The following MACROD1 variants were observed in gnomAD, a reference collection of about 807,000 sequenced individuals.
The protein encoded by MACROD1 is ADP-ribose glycohydrolase MACROD1.
MACROD1 carries 31 observed loss-of-function variants against 41.4 expected under a neutral mutation model. The ratio of observed to expected loss-of-function variants is 0.75; its 90% confidence interval spans 0.56 to 1.01. The LOEUF (loss-of-function observed/expected upper bound fraction) is 1.01, where lower values mean the gene tolerates loss of function less well. Among genes scored for constraint, MACROD1 ranks in the 50% least tolerant of loss-of-function variants. MACROD1 has a pLI of 0.00. For synonymous variants in MACROD1, 252 were observed against 203.4 expected (o/e 1.24, Z -2.03); for missense variants, 473 against 460.0 (o/e 1.03, Z -0.26).
chr11:64,100,486 G>A (rs1296122039), intron 3 of MACROD1, among the ~76,000 whole-genome samples: 1 of 152,206 alleles, frequency 6.6e-6, no homozygotes, highest in Non-Finnish European at 1.5e-5. Flanking sequence ...AGGCCAAGGC[G>A]AGGAGTGTAA....
chr11:64,027,636 A>G (rs547377431), intron 3 of MACROD1, among the ~76,000 whole-genome samples: 1 of 152,224 alleles, frequency 6.6e-6, no homozygotes, highest in East Asian at 1.9e-4. Flanking sequence ...ATTCATGTCT[A>G]GCCCACCCAG....
At chr11:64,057,090 A>G (rs1943799727) in intron 3 of MACROD1, among the ~76,000 whole-genome samples, 1 of 152,112 alleles carries the variant, frequency 6.6e-6, no homozygotes, top group Admixed American at 6.5e-5. Flanking sequence ...ACCAGCTCTC[A>G]CGAAACAGGG....
intron 3 of MACROD1, among the ~76,000 whole-genome samples, chr11:64,137,883 G>T (rs990167415): frequency 2.6e-5 from 4 of 152,176 alleles, no homozygotes; most frequent in African/African-American, 9.7e-5. Context: ...GGTTCTTTTT[G>T]TTCCTGTTTT....
At chr11:64,100,651 A>G (rs1026503808) in intron 3 of MACROD1, among the ~76,000 whole-genome samples, 1 of 152,154 alleles carries the variant, frequency 6.6e-6, no homozygotes, top group African/African-American at 2.4e-5. Flanking sequence ...GTGGCTACTA[A>G]TGATCATCAT....
Position 64,000,262 on chromosome 11 carries a change from G to A in MACROD1, c.629C>T (p.Ala210Val). 1 of 1,606,722 alleles carries A rather than the reference G, an allele frequency of 6.2e-7. No individual in the cohort carries two copies. The highest frequency in any genetic ancestry group is 8.5e-7 in the Non-Finnish European group (1 of 1,177,310). ...RTLQSCKTGK[A>V]KITGGYRLPA... is the part of the protein sequence containing the mutation. ...GAGCCGATAGCCGCCGGTGATCTTG[G>A]CCTTGCCAGTCTTACAGCTCTGCAG... Residue 210 changes from alanine (A) to valine (V), a missense_variant, in exon 5 of 11, where the codon GCC becomes GTC. Transcript: ENST00000255681.
chr11:64,091,672 G>T (rs896563626), intron 3 of MACROD1, among the ~76,000 whole-genome samples: 2 of 152,172 alleles, frequency 1.3e-5, no homozygotes, highest in African/African-American at 4.8e-5. Flanking sequence ...AAGACACTCG[G>T]CCCAAGGGGC....
At chr11:64,129,947 G>A (rs1027683087) in intron 3 of MACROD1, among the ~76,000 whole-genome samples, 5 of 152,196 alleles carry the variant, frequency 3.3e-5, no homozygotes, top group Admixed American at 6.5e-5. Context: ...TTGGGGGGCC[G>A]TGAGCCTCCC....
At chr11:64,022,984 C>T (rs887191869) in intron 3 of MACROD1, among the ~76,000 whole-genome samples, 1 of 151,582 alleles carries the variant, frequency 6.6e-6, no homozygotes, top group African/African-American at 2.4e-5. Context: ...GCCTCAGCCT[C>T]CCGAGTAGCT....
chr11:64,017,517 G>A (rs539511517), intron 3 of MACROD1, among the ~76,000 whole-genome samples: 6 of 152,180 alleles, frequency 3.9e-5, no homozygotes, highest in African/African-American at 1.2e-4. Flanking sequence ...TCTGAGGGTC[G>A]GTCAGAGGGA....
intron 3 of MACROD1, among the ~76,000 whole-genome samples, chr11:64,040,554 G>A (rs1943464781): frequency 1.3e-5 from 2 of 152,228 alleles, no homozygotes; most frequent in Admixed American, 1.3e-4. Context: ...CTGGAAGAGT[G>A]GGCTTCCTAG....
intron 3 of MACROD1, among the ~76,000 whole-genome samples, chr11:64,015,919 C>T (rs528130353): frequency 5.9e-5 from 9 of 152,308 alleles, no homozygotes; most frequent in African/African-American, 1.2e-4. Context: ...AGATCAACAG[C>T]GGGGTGACTG....
chr11:64,021,008 C>T (rs972390941), intron 3 of MACROD1, among the ~76,000 whole-genome samples: 2 of 152,170 alleles, frequency 1.3e-5, no homozygotes, highest in African/African-American at 2.4e-5. Flanking sequence ...TGAGTCACGG[C>T]GCCCGGCCCC....
intron 3 of MACROD1, among the ~76,000 whole-genome samples, chr11:64,099,619 G>A (rs1053940215): frequency 6.6e-6 from 1 of 151,996 alleles, no homozygotes; most frequent in African/African-American, 2.4e-5. Context: ...TACAGAGATG[G>A]AAGGATGGAT....
At chr11:64,049,693 G>A (rs1027689904) in intron 3 of MACROD1, among the ~76,000 whole-genome samples, 1 of 152,204 alleles carries the variant, frequency 6.6e-6, no homozygotes, top group Non-Finnish European at 1.5e-5. Context: ...AGTGATCTGC[G>A]GGGCAGGCTG....
intron 3 of MACROD1, among the ~76,000 whole-genome samples, chr11:64,093,800 G>A (rs1355824024): frequency 8.5e-5 from 13 of 152,230 alleles, no homozygotes; most frequent in African/African-American, 2.7e-4. Flanking sequence ...CCTGGCCAGG[G>A]TGGAAGGAGG....
intron 3 of MACROD1, among the ~76,000 whole-genome samples, chr11:64,086,355 A>G (rs771438343): frequency 6.6e-6 from 1 of 151,922 alleles, no homozygotes; most frequent in Non-Finnish European, 1.5e-5. Context: ...TGTGAATCTT[A>G]CATATGCATA....
At chr11:64,155,803 A>C (rs1430363862) in intron 1 of MACROD1, among the ~76,000 whole-genome samples, 2 of 152,002 alleles carry the variant, frequency 1.3e-5, no homozygotes, top group Non-Finnish European at 2.9e-5. Flanking sequence ...ATCTCTACCA[A>C]AAAATACAAA....
chr11:64,077,151 G>C (rs1389612603), intron 3 of MACROD1, among the ~76,000 whole-genome samples: 1 of 152,140 alleles, frequency 6.6e-6, no homozygotes, highest in African/African-American at 2.4e-5. Flanking sequence ...TCTCCCTGAT[G>C]ATGGAGAAAC....
chr11:64,092,048 A>G (rs1371802349), intron 3 of MACROD1, among the ~76,000 whole-genome samples: 3 of 152,134 alleles, frequency 2.0e-5, no homozygotes, highest in Non-Finnish European at 4.4e-5. Flanking sequence ...CCCAAAAAAC[A>G]ATCCTCCCAC....
Sources: gnomAD v4.1 joint callset for allele counts (sites outside exome capture counted in the v4.1 genomes callset) on GRCh38, gnomAD v4.1.1 for gene constraint, MANE v1.5 for transcripts, NCBI Gene and HGNC (gene_info 2026-07-23, HGNC 2026-07-21) for gene names.